Variants in DPRX observed in about 807,000 individuals in gnomAD.
The protein encoded by DPRX is divergent-paired related homeobox.
A neutral mutation model predicts 8.4 loss-of-function variants in DPRX; 11 were observed. The ratio of observed to expected loss-of-function variants is 1.31; its 90% CI spans 0.82 to 2.17. DPRX has a LOEUF of 2.17. Ranked by LOEUF, DPRX falls within the 30% of genes most tolerant of loss-of-function variation. The pLI is 0.00. For synonymous variants in DPRX, 72 were observed against 87.0 expected (o/e 0.83, Z 0.96); for missense variants, 211 against 236.7 (o/e 0.89, Z 0.71).
chr19:53,619,306 C>T, the DPRX span, among the ~76,000 whole-genome samples: 4 of 151,968 alleles, frequency 2.6e-5, no homozygotes, highest in Middle Eastern at 3.4e-3. Flanking sequence ...TTTGGGAATC[C>T]GAGGCGAGCA....
chr19:53,619,728 G>A, the DPRX span, among the ~76,000 whole-genome samples: 15 of 150,622 alleles, frequency 1.0e-4, no homozygotes, highest in Non-Finnish European at 1.3e-4. Flanking sequence ...GGTGGCAGAC[G>A]CCTGTGGTCC....
At chr19:53,632,206 G>A in intron 1 of DPRX, 72 bp downstream of exon 1, 1 of 1,609,490 alleles carries the variant, frequency 6.2e-7, no homozygotes, top group Non-Finnish European at 8.5e-7. Flanking sequence ...GCGGGAAAAG[G>A]CAGAGGGACC....
the DPRX span, among the ~76,000 whole-genome samples, chr19:53,613,174 C>A: frequency 1.3e-5 from 2 of 152,052 alleles, no homozygotes; most frequent in African/African-American, 2.4e-5. Context: ...GCTTCGGAAG[C>A]CTTTGTTTTG....
At chr19:53,606,340 C>T in the DPRX span, 17 of 152,326 alleles carry the variant, frequency 1.1e-4, no homozygotes, top group African/African-American at 2.7e-4. The surrounding 1 kb of genome is among the most constrained non-coding windows in gnomAD (Gnocchi z 4.8). Context: ...GGCTTCTGCT[C>T]TGTCGCCTCC....
the DPRX span, among the ~76,000 whole-genome samples, chr19:53,617,780 T>G: frequency 6.6e-6 from 1 of 152,116 alleles, no homozygotes; most frequent in Non-Finnish European, 1.5e-5. Flanking sequence ...TATTTTCTTT[T>G]CCTGCTGACC....
chr19:53,603,013 GTGTGTATATA>G, the DPRX span, among the ~76,000 whole-genome samples: 6 of 139,508 alleles, frequency 4.3e-5, no homozygotes, highest in African/African-American at 1.2e-4. Flanking sequence ...ATGTGTGTGT[GTGTGTATATA>G]TGTGTGTGTG....
At chr19:53,631,378 A>T (rs115379406), upstream of DPRX, among the ~76,000 whole-genome samples, 1 of 152,264 alleles carries the variant, frequency 6.6e-6, no homozygotes, top group African/African-American at 2.4e-5. Context: ...AGCATATATT[A>T]GCCACTAAAG....
At chr19:53,615,225 G>A in the DPRX span, among the ~76,000 whole-genome samples, 1 of 151,822 alleles carries the variant, frequency 6.6e-6, no homozygotes, top group South Asian at 2.1e-4. Flanking sequence ...GCCCACCTCA[G>A]CCTCCCAAAA....
At chr19:53,632,005 G>A, upstream of DPRX, 2 of 1,517,534 alleles carry the variant, frequency 1.3e-6, no homozygotes, top group South Asian at 2.3e-5. Flanking sequence ...TGGAGGAGGT[G>A]GGAGTCGGGT....
intron 2 of DPRX, 118 bp downstream of exon 2, chr19:53,634,803 C>G: frequency 2.9e-6 from 4 of 1,364,144 alleles, no homozygotes; most frequent in Non-Finnish European, 3.9e-6. Context: ...CAAACCCACA[C>G]TCTCCTACTC....
upstream of DPRX, among the ~76,000 whole-genome samples, chr19:53,629,558 T>A (rs916663958): frequency 1.3e-5 from 2 of 150,990 alleles, no homozygotes; most frequent in Non-Finnish European, 2.9e-5. Flanking sequence ...TTTTTTTTTT[T>A]AATGAAATAC....
the DPRX span, among the ~76,000 whole-genome samples, chr19:53,613,125 G>A: frequency 6.6e-3 from 1,001 of 152,200 alleles, 7 homozygotes; most frequent in African/African-American, 0.018. Flanking sequence ...AGCCTTGGGG[G>A]AGAAGGAGGG....
chr19:53,611,274 A>T, the DPRX span, among the ~76,000 whole-genome samples: 1 of 151,684 alleles, frequency 6.6e-6, no homozygotes, highest in East Asian at 2.0e-4. Context: ...TAATTTTTTT[A>T]AATTTTTTTT....
intron 1 of DPRX, 99 bp from the exon 2 acceptor site, chr19:53,634,432 C>A: frequency 2.8e-6 from 4 of 1,438,082 alleles, no homozygotes; most frequent in Non-Finnish European, 3.7e-6. Context: ...GTCACTTGAT[C>A]ATCACGTTGT....
At chr19:53,615,759 G>A in the DPRX span, among the ~76,000 whole-genome samples, 2 of 151,344 alleles carry the variant, frequency 1.3e-5, no homozygotes, top group African/African-American at 4.9e-5. Flanking sequence ...TTAATATAAT[G>A]AAAAGTTCGA....
chr19:53,608,038 T>G, the DPRX span, among the ~76,000 whole-genome samples: 1 of 143,994 alleles, frequency 6.9e-6, no homozygotes, highest in South Asian at 2.2e-4. Flanking sequence ...CCGAGCATGG[T>G]GGCAGGTACC....
At chr19:53,613,350 TTTG>T in the DPRX span, among the ~76,000 whole-genome samples, 3 of 151,962 alleles carry the variant, frequency 2.0e-5, no homozygotes, top group Non-Finnish European at 2.9e-5. Flanking sequence ...GTGTGAGATC[TTTG>T]TTGTTGTTGT....
At chr19:53,636,747 A>C in exon 3 of DPRX, 1 of 1,614,120 alleles carries the variant, frequency 6.2e-7, no homozygotes, top group Non-Finnish European at 8.5e-7. Context: ...AGATTGCCCA[A>C]CGCTGCTCAC....
chr19:53,628,150 T>G (rs553951494), upstream of DPRX, among the ~76,000 whole-genome samples: 97 of 152,110 alleles, frequency 6.4e-4, no homozygotes, highest in African/African-American at 2.1e-3. Flanking sequence ...ATACATGTAA[T>G]CAAAGTTGCT....
Sources: gnomAD v4.1 joint callset for allele counts (sites outside exome capture counted in the v4.1 genomes callset) on GRCh38, gnomAD v4.1.1 for gene constraint, Gnocchi (gnomAD v3.1) non-coding constraint, MANE v1.5 for transcripts, NCBI Gene and HGNC (gene_info 2026-07-23, HGNC 2026-07-21) for gene names.